Variants in SLC22A11 observed in about 807,000 individuals in gnomAD.
The protein encoded by SLC22A11 is solute carrier family 22 member 11.
SLC22A11 carries 42 observed loss-of-function variants against 49.4 expected under a neutral mutation model. That is an observed-to-expected ratio of 0.85 (90% CI 0.66 to 1.10). The LOEUF (loss-of-function observed/expected upper bound fraction) is 1.10, where lower values mean the gene tolerates loss of function less well. Ranked by LOEUF, SLC22A11 falls within the 50% of genes least tolerant of loss-of-function variation. The probability of loss-of-function intolerance (pLI) is 0.00; values close to 1 mark genes in which losing one functional copy is unlikely to be tolerated. For missense variants in SLC22A11, 685 were observed against 731.6 expected (o/e 0.94, Z 0.74); for synonymous variants, 304 against 315.8 (o/e 0.96, Z 0.40).
chr11:64,563,274 C>T (rs1240525044), intron 4 of SLC22A11, among the ~76,000 whole-genome samples: 3 of 152,136 alleles, frequency 2.0e-5, no homozygotes, highest in African/African-American at 7.2e-5. Context: ...TATTAACACA[C>T]CTTCTAATAA....
intron 4 of SLC22A11, among the ~76,000 whole-genome samples, chr11:64,563,284 A>G (rs117998524): frequency 6.6e-6 from 1 of 152,272 alleles, no homozygotes; most frequent in East Asian, 1.9e-4. Flanking sequence ...CCTTCTAATA[A>G]GTAAGATGAT....
intron 6 of SLC22A11, 81 bp from the exon 7 acceptor site, chr11:64,567,518 G>C: frequency 7.4e-7 from 1 of 1,345,066 alleles, no homozygotes; most frequent in African/African-American, 1.4e-5. Context: ...CTCCCAGGCA[G>C]CTCCTGGTGG....
intron 1 of SLC22A11, among the ~76,000 whole-genome samples, chr11:64,557,270 G>T (rs1435684766): frequency 1.3e-5 from 2 of 152,194 alleles, no homozygotes; most frequent in East Asian, 3.8e-4. Flanking sequence ...CTGTCCCAGC[G>T]CACACAGCTA....
Position 64,572,473 on chromosome 11 carries a change from A to C in SLC22A11, c.*1431A>C, listed in dbSNP as rs2038716852. The C allele has an allele frequency of 6.6e-6, 1 of 152,000 alleles. No homozygotes were observed. Among genetic ancestry groups the C allele is most frequent in the Non-Finnish European group, 1.5e-5 (1 of 68,082 alleles). The allele number at this position is 152,000 out of a possible 1,614,324, so 9.4% of individuals were successfully genotyped here. On this transcript the variant is annotated 3_prime_UTR_variant, in exon 10 of 10. Coordinates refer to ENST00000301891, the MANE Select transcript of SLC22A11 (RefSeq NM_018484.4). ...CCTCATGCCCTTCCCTGGAGACCCC[A>C]CTCTGGGCCACCTCAATCTCAGGCC...
rs1389331512 is a variant in SLC22A11, at chr11:64,572,196, G to A, written c.*1154G>A. On this transcript the variant is annotated 3_prime_UTR_variant, in exon 10 of 10. Coordinates refer to ENST00000301891, the MANE Select transcript of SLC22A11 (RefSeq NM_018484.4). ...CCTTTTGCTGTTTGTTTTCTGGAGG[G>A]GACACCTTTTCTTGATTCATGCCCA... 6.6e-6 allele frequency: 1 copy of A among 152,268 alleles called. No individual in the cohort carries two copies. The highest frequency in any genetic ancestry group is 1.5e-5 in the Non-Finnish European group (1 of 68,082). The allele number at this position is 152,268 out of a possible 1,614,324, so 9.4% of individuals were successfully genotyped here.
In SLC22A11 at chr11:64,567,737, T is replaced by G. The variant is rs754811716; in HGVS notation, c.1197T>G (p.Leu399=). ...RATTALLLSF[L]GRRTIQAGSQ... is the part of the protein sequence containing the mutation. ...CCACTGCCCTCTTGCTCAGTTTCCTTGGCCGCCGCACCATCCAGGCGGGTT... is the reference window on the plus strand; with the variant it reads ...CCACTGCCCTCTTGCTCAGTTTCCTGGGCCGCCGCACCATCCAGGCGGGTT... The change falls in exon 7 of 10, where the codon CTT becomes CTG. Residue 399 remains leucine, a synonymous_variant. Coordinates refer to ENST00000301891, the MANE Select transcript of SLC22A11 (RefSeq NM_018484.4). 55 of 1,613,204 alleles carry G rather than the reference T, an allele frequency of 3.4e-5. No individual in the cohort carries two copies. Among genetic ancestry groups the G allele is most frequent in the Non-Finnish European group, 4.2e-5 (50 of 1,179,954 alleles).
Position 64,562,982 on chromosome 11 carries a change from A to G in SLC22A11, c.821+547A>G, listed in dbSNP as rs1223779016. ...GGACCAACATTGGATATGAAAATAG[A>G]TTGTTGTCACTACAATTTTAGGGGC... On this transcript the variant is annotated intron_variant, in intron 4 of 9. Transcript: ENST00000301891. The surrounding 1 kb of genome is among the most constrained non-coding windows in gnomAD (Gnocchi z 4.4). Among the ~76,000 whole-genome samples, 1 of 152,136 alleles carries G rather than the reference A, an allele frequency of 6.6e-6. No individual in the cohort carries two copies. Among genetic ancestry groups the G allele is most frequent in the African/African-American group, 2.4e-5 (1 of 41,414 alleles).
At chr11:64,563,633 A>AAAAAAAAAAG in intron 4 of SLC22A11, among the ~76,000 whole-genome samples, 5 of 150,220 alleles carry the variant, frequency 3.3e-5, no homozygotes, top group Non-Finnish European at 7.4e-5. Context: ...AAAAAAAAAA[A>AAAAAAAAAAG]AAAAAGGCCG....
chr11:64,559,765 C>T lies in SLC22A11; in HGVS notation c.497+527C>T, dbSNP rs563223668. Among the ~76,000 whole-genome samples, 30 of 152,280 alleles carry T rather than the reference C, an allele frequency of 2.0e-4. 1 individual carries two copies. The South Asian group carries it at 5.8e-3, about 29-fold the overall frequency. ...TTGGAGCCAAGCAGGGCTCAGGACA[C>T]AGGTAAGTAAGTCAGGCCACCTTGG... On this transcript the variant is annotated intron_variant, in intron 2 of 9. Transcript: ENST00000301891.
intron 2 of SLC22A11, among the ~76,000 whole-genome samples, chr11:64,561,415 C>G (rs1017614635): frequency 1.3e-5 from 2 of 152,238 alleles, no homozygotes; most frequent in Middle Eastern, 3.4e-3. Context: ...AGCTGGGGCT[C>G]AAACCCAGGC....
rs1175801908 is a variant in SLC22A11, at chr11:64,562,198, G to A, written c.652+40G>A. ...CAGCGCGCTCCTGCCATGGGGGCGG[G>A]GGTGGCAGGAGAGAATGGGGCTCAG... is the stretch of plus-strand genomic sequence containing the variant. On this transcript the variant is annotated intron_variant, in intron 3 of 9. Transcript: ENST00000301891. The surrounding 1 kb of genome is among the most constrained non-coding windows in gnomAD (Gnocchi z 4.4). 5.0e-6 allele frequency: 8 copies of A among 1,606,386 alleles called. No individual in the cohort carries two copies. The highest frequency in any genetic ancestry group is 6.0e-6 in the Non-Finnish European group (7 of 1,174,826).
At position 64,565,297 on chromosome 11, in the gene SLC22A11, C is replaced by T. The variant is rs372929612; in HGVS notation, c.1018C>T (p.Pro340Ser). The T allele has an allele frequency of 3.4e-5, 53 of 1,550,976 alleles. No homozygotes were observed. The highest frequency in any genetic ancestry group is 4.5e-5 in the Non-Finnish European group (52 of 1,147,552). Residue 340 changes from proline to serine, a missense_variant, in exon 6 of 10, where the codon CCC becomes TCC. By Grantham distance (74) the Pro-to-Ser change is moderately conservative. Coordinates refer to ENST00000301891, the MANE Select transcript of SLC22A11 (RefSeq NM_018484.4). The surrounding 1 kb of genome is among the most constrained non-coding windows in gnomAD (Gnocchi z 4.1). ...GTCGGTGCTGGACCTGTTCTGCGTG[C>T]CCGTGCTCCGCTGGAGGAGCTGCGC... ...PRSVLDLFCV[P>S]VLRWRSCAML...
Position 64,565,822 on chromosome 11 carries a change from AAAATAATAG to A in SLC22A11, c.1058+487_1058+495del. 1 of 317,760 alleles carries A rather than the reference AAAATAATAG, an allele frequency of 3.1e-6. No homozygotes were observed. The highest frequency in any genetic ancestry group is 6.3e-6 in the Non-Finnish European group (1 of 158,582). 19.7% of individuals were successfully genotyped at this position (317,760 alleles called of 1,614,324 possible). ...TCCCAGAGGGGTAAGGAACAAGCCC[AAAATAATAG>A]AGCCTGCATTGGAACCGGGCTGAGC... On this transcript the variant is annotated intron_variant, in intron 6 of 9. Transcript: ENST00000301891. The surrounding 1 kb of genome is among the most constrained non-coding windows in gnomAD (Gnocchi z 4.1).
chr11:64,571,159 C>T lies in SLC22A11; in HGVS notation c.*117C>T. On this transcript the variant is annotated 3_prime_UTR_variant, in exon 10 of 10. Coordinates refer to ENST00000301891, the MANE Select transcript of SLC22A11 (RefSeq NM_018484.4). ...TTCAAGGGCCTGGCATGGCAGAGGC[C>T]AGGCAGCCGTGGCCGAGTGGACAGC... 1 of 1,171,456 alleles carries T rather than the reference C, an allele frequency of 8.5e-7. No homozygotes were observed. Among genetic ancestry groups the T allele is most frequent in the Non-Finnish European group, 1.3e-6 (1 of 798,954 alleles). The allele number at this position is 1,171,456 out of a possible 1,614,324, so 72.6% of individuals were successfully genotyped here.
intron 9 of SLC22A11, 103 bp downstream of exon 9, chr11:64,569,961 C>A: frequency 9.9e-7 from 1 of 1,009,166 alleles, no homozygotes; most frequent in Non-Finnish European, 1.5e-6. Flanking sequence ...GTACCAAGGC[C>A]TGTGTTTCTG....
At chr11:64,556,478 C>A in intron 1 of SLC22A11, 86 bp downstream of exon 1, 2 of 1,536,622 alleles carry the variant, frequency 1.3e-6, no homozygotes, top group South Asian at 2.4e-5. Context: ...AAGGTCCAGT[C>A]CTGGGAGGGA....
chr11:64,556,518 C>G, intron 1 of SLC22A11, 126 bp downstream of exon 1: 6 of 1,408,790 alleles, frequency 4.3e-6, no homozygotes, highest in Non-Finnish European at 5.7e-6. Flanking sequence ...CTCAGCCCCT[C>G]GTCAGCCACA....
Position 64,559,175 on chromosome 11 carries a change from G to A in SLC22A11, c.434G>A (p.Ser145Asn). The change falls in exon 2 of 10, where the codon AGC (serine) becomes AAC (asparagine). Residue 145 changes from serine (S) to asparagine (N), a missense_variant. Ser to Asn is a conservative substitution (Grantham distance 46). Coordinates refer to ENST00000301891, the MANE Select transcript of SLC22A11 (RefSeq NM_018484.4). Reference sequence around the variant, plus strand: ...AGCTCCCAGGGCTTGAAGCCCCTAAGCCAGTCCATCTTCATGTCCGGGATC... The same window carrying A: ...AGCTCCCAGGGCTTGAAGCCCCTAAACCAGTCCATCTTCATGTCCGGGATC... ...VCSSQGLKPLSQSIFMSGILV... is the reference protein window; with the variant it reads ...VCSSQGLKPLNQSIFMSGILV... 6.2e-7 allele frequency: 1 copy of A among 1,613,442 alleles called. No homozygotes were observed. The highest frequency in any genetic ancestry group is 1.3e-5 in the African/African-American group (1 of 74,982).
intron 6 of SLC22A11, chr11:64,566,164 G>A (rs2038622125): frequency 6.5e-6 from 1 of 153,626 alleles, no homozygotes; most frequent in African/African-American, 2.4e-5. Flanking sequence ...GAGGATCACT[G>A]GAGCCCAGGA....
Sources: allele counts gnomAD v4.1 joint callset (sites outside exome capture counted in the v4.1 genomes callset), GRCh38; gene constraint gnomAD v4.1.1; non-coding constraint Gnocchi (gnomAD v3.1); transcripts MANE v1.5; gene names NCBI Gene and HGNC (gene_info 2026-07-23, HGNC 2026-07-21).